PLCB4: variants seen among roughly 807,000 people sequenced by gnomAD.
PLCB4 encodes phospholipase C beta 4.
PLCB4 carries 77 observed loss-of-function variants against 178.8 expected under a neutral mutation model. The ratio of observed to expected loss-of-function variants is 0.43; its 90% CI spans 0.36 to 0.52. The LOEUF (loss-of-function observed/expected upper bound fraction) is 0.52. Ranked by LOEUF, PLCB4 falls within the 20% of genes least tolerant of loss-of-function variation. The probability of loss-of-function intolerance (pLI) is 0.00; values close to 1 mark genes in which losing one functional copy is unlikely to be tolerated. For synonymous variants in PLCB4, 496 were observed against 490.8 expected (o/e 1.01, Z -0.14); for missense variants, 1,024 against 1,453.4 (o/e 0.70, Z 4.80).
intron 1 of PLCB4, among the ~76,000 whole-genome samples, chr20:9,085,365 A>T (rs2090362811): frequency 6.6e-6 from 1 of 152,182 alleles, no homozygotes; most frequent in South Asian, 2.1e-4. Flanking sequence ...TCAAGCAGTC[A>T]TAATTCATTC....
chr20:9,198,004 A>C (rs547872133), intron 2 of PLCB4, among the ~76,000 whole-genome samples: 2 of 152,150 alleles, frequency 1.3e-5, no homozygotes, highest in African/African-American at 4.8e-5. Flanking sequence ...AATAAAAAAA[A>C]AAACAAAATC....
Position 9,130,227 on chromosome 20 carries a change from G to A in PLCB4, c.-79+33885G>A, listed in dbSNP as rs578206808. Among the ~76,000 whole-genome samples the A allele has an allele frequency of 1.2e-4, 18 of 152,186 alleles. No homozygotes were observed. In the South Asian group the frequency reaches 3.7e-3, roughly 32 times the overall value. On this transcript the variant is annotated intron_variant, in intron 2 of 39. Transcript: ENST00000378473. The stretch of plus-strand genomic sequence containing the variant: ...TGGGAGCTGTTAATGTAGGAGATTA[G>A]TTTAAGTATTTACACACCAACCTTA...
intron 14 of PLCB4, among the ~76,000 whole-genome samples, chr20:9,385,498 C>A (rs1179457000): frequency 1.3e-5 from 2 of 149,804 alleles, no homozygotes; most frequent in African/African-American, 2.5e-5. Context: ...CTCCTCACTT[C>A]CCAGTCGTGG....
chr20:9,171,334 A>G (rs1371569377), intron 2 of PLCB4, among the ~76,000 whole-genome samples: 1 of 152,162 alleles, frequency 6.6e-6, no homozygotes, highest in African/African-American at 2.4e-5. Flanking sequence ...TTCCTTGCTC[A>G]CAAAAGAATG....
chr20:9,438,581 C>T (rs1309934903), intron 30 of PLCB4, among the ~76,000 whole-genome samples: 1 of 151,946 alleles, frequency 6.6e-6, no homozygotes, highest in Admixed American at 6.6e-5. Context: ...GTTGCTGATA[C>T]ATCTGGGCAG....
At chr20:9,209,404 A>G (rs1241914586) in intron 2 of PLCB4, among the ~76,000 whole-genome samples, 1 of 151,780 alleles carries the variant, frequency 6.6e-6, no homozygotes, top group African/African-American at 2.4e-5. Flanking sequence ...CTTGGTTTAC[A>G]TCTCCTGTAT....
At chr20:9,363,837 G>A (rs1183477993) in intron 8 of PLCB4, among the ~76,000 whole-genome samples, 3 of 152,224 alleles carry the variant, frequency 2.0e-5, no homozygotes, top group African/African-American at 4.8e-5. Flanking sequence ...AGCACCAAGA[G>A]TGTGATTCAT....
intron 3 of PLCB4, among the ~76,000 whole-genome samples, chr20:9,242,878 G>A (rs2094081383): frequency 1.3e-5 from 2 of 152,280 alleles, no homozygotes; most frequent in South Asian, 4.1e-4. Flanking sequence ...CCCAGGTGAT[G>A]TTGATGCGTG....
rs140410070 is a variant in PLCB4, at chr20:9,184,716, A to G, written c.-78-32674A>G. 3.0e-3 allele frequency among the ~76,000 whole-genome samples: 458 copies of G among 151,572 alleles called. 4 individuals are homozygous for G. Among genetic ancestry groups the G allele is most frequent in the African/African-American group, 0.011 (441 of 41,350 alleles). ...CATCGCCACTATGAACCGATTTATG[A>G]GCTGTCAGGTGATCTTATGTGTTGT... On this transcript the variant is annotated intron_variant, in intron 2 of 39. Transcript: ENST00000378473.
rs957013860 is a variant in PLCB4 at position 9,259,176 on chromosome 20, T to C, written c.-16+41724T>C. On this transcript the variant is annotated intron_variant, in intron 3 of 39. Coordinates refer to ENST00000378473, the MANE Select transcript of PLCB4 (RefSeq NM_001377142.1). ...GTGAGTGGATGTAGTTTATACTGTT[T>C]AAGAGGGCTCCTTCTTCTCAGTTTT... Among the ~76,000 whole-genome samples, 2 of 152,188 alleles carry C rather than the reference T, an allele frequency of 1.3e-5. 1 individual carries two copies. The highest frequency in any genetic ancestry group is 1.3e-4 in the Admixed American group (2 of 15,282).
chr20:9,123,705 T>C (rs1041750107), intron 2 of PLCB4, among the ~76,000 whole-genome samples: 1 of 151,950 alleles, frequency 6.6e-6, no homozygotes, highest in African/African-American at 2.4e-5. Context: ...ATAACATAGG[T>C]AGATAAGTAG....
At chr20:9,467,111 G>A (rs981983570) in intron 35 of PLCB4, among the ~76,000 whole-genome samples, 1 of 152,180 alleles carries the variant, frequency 6.6e-6, no homozygotes, top group Non-Finnish European at 1.5e-5. Context: ...AAAAAAGGAT[G>A]AGTTCATGTC....
intron 2 of PLCB4, among the ~76,000 whole-genome samples, chr20:9,149,380 T>C (rs2146918289): frequency 6.6e-6 from 1 of 152,298 alleles, no homozygotes; most frequent in East Asian, 1.9e-4. Flanking sequence ...TGTCCCTCTG[T>C]GGTCTGTCAG....
In PLCB4 at chr20:9,409,248, C is replaced by T; in HGVS notation, c.1999+67C>T. 7.3e-6 allele frequency: 10 copies of T among 1,364,400 alleles called. 1 individual carries two copies. The South Asian group carries it at 9.2e-5, about 13-fold the overall frequency. The allele number at this position is 1,364,400 out of a possible 1,614,324, so 84.5% of individuals were successfully genotyped here. ...CTTTGACAGGATGGTGCCAGCACTT[C>T]CCATCAGTTGGCTGTGGGCATTTTT... On this transcript the variant is annotated intron_variant, in intron 24 of 39. Transcript: ENST00000378473.
chr20:9,477,963 C>T (rs935812561), intron 39 of PLCB4, among the ~76,000 whole-genome samples: 3 of 151,978 alleles, frequency 2.0e-5, no homozygotes, highest in Admixed American at 6.6e-5. Context: ...AATCTTCATC[C>T]GATTTATATC....
At chr20:9,258,766 G>A (rs555892911) in intron 3 of PLCB4, among the ~76,000 whole-genome samples, 1 of 150,858 alleles carries the variant, frequency 6.6e-6, no homozygotes, top group African/African-American at 2.4e-5. Flanking sequence ...GAGGACAAGG[G>A]AATGACTTCA....
chr20:9,407,968 G>A lies in PLCB4; in HGVS notation c.1699G>A (p.Val567Ile), dbSNP rs775125718. The A allele has an allele frequency of 1.2e-6, 2 of 1,612,698 alleles. No individual in the cohort carries two copies. The highest frequency in any genetic ancestry group is 1.7e-6 in the Non-Finnish European group (2 of 1,178,696). The change falls in exon 22 of 40, where the codon GTA (valine) becomes ATA (isoleucine). Residue 567 changes from valine to isoleucine, a missense_variant. Val to Ile is a conservative substitution (Grantham distance 29). Around this residue, in one of 7 missense-constraint regions of PLCB4, gnomAD observed 263 missense variants for 417.4 expected, o/e 0.63. Coordinates refer to ENST00000378473, the MANE Select transcript of PLCB4 (RefSeq NM_001377142.1). ...EQAWMASYKY[V>I]GATTNIHPYL... ...GGCGTGGATGGCATCTTATAAATAT[G>A]TAGGTGCTACCACTAATATCCATCC...
At chr20:9,327,595 A>T (rs1483907875) in intron 4 of PLCB4, among the ~76,000 whole-genome samples, 1 of 151,460 alleles carries the variant, frequency 6.6e-6, no homozygotes, top group Non-Finnish European at 1.5e-5. Context: ...GCTAACACAG[A>T]CAAACCCCAT....
chr20:9,088,770 A>T (rs1347061847), intron 1 of PLCB4, among the ~76,000 whole-genome samples: 2 of 152,166 alleles, frequency 1.3e-5, no homozygotes, highest in East Asian at 1.9e-4. Context: ...GGCCTATATA[A>T]AACCTGAAAC....
Sources: allele counts gnomAD v4.1 joint callset (sites outside exome capture counted in the v4.1 genomes callset), GRCh38; gene constraint gnomAD v4.1.1; regional missense constraint gnomAD v4.1.1; transcripts MANE v1.5; gene names NCBI Gene and HGNC (gene_info 2026-07-23, HGNC 2026-07-21).